Variants in SMCHD1 observed in about 807,000 individuals in gnomAD.
SMCHD1 encodes structural maintenance of chromosomes flexible hinge domain-containing protein 1.
SMCHD1 carries 78 observed loss-of-function variants against 254.7 expected under a neutral mutation model. The observed-to-expected ratio is 0.31, with a 90% CI of 0.26 to 0.37. The LOEUF is 0.37. Ranked by LOEUF, SMCHD1 falls within the 10% of genes least tolerant of loss-of-function variation. SMCHD1 has a pLI of 1.00. For synonymous variants in SMCHD1, 766 were observed against 794.9 expected (o/e 0.96, Z 0.61); for missense variants, 1,840 against 2,408.1 (o/e 0.76, Z 4.94).
chr18:2,763,655 A>G lies in SMCHD1; in HGVS notation c.4585A>G (p.Thr1529Ala). The change falls in exon 37 of 48, where the codon ACT becomes GCT. Residue 1529 changes from threonine to alanine, a missense_variant. Coordinates refer to ENST00000320876, the MANE Select transcript of SMCHD1 (RefSeq NM_015295.3). ...LSITDDYDNH[T>A]GIDLVGTIIA... ...TTTTAAGGATGACTACGACAACCAT[A>G]CTGGAATTGATTTGGTTGGCACTAT... The G allele has an allele frequency of 2.5e-6, 4 of 1,577,906 alleles. No individual in the cohort carries two copies. The highest frequency in any genetic ancestry group is 3.4e-6 in the Non-Finnish European group (4 of 1,167,770).
chr18:2,766,342 T>C (rs992708028), intron 37 of SMCHD1, among the ~76,000 whole-genome samples: 1 of 152,232 alleles, frequency 6.6e-6, no homozygotes, highest in African/African-American at 2.4e-5. Context: ...TTGCTAAACC[T>C]GCTGTATATA....
intron 1 of SMCHD1, among the ~76,000 whole-genome samples, chr18:2,663,559 T>G (rs150517522): frequency 1.3e-5 from 2 of 152,210 alleles, no homozygotes; most frequent in East Asian, 1.9e-4. Context: ...TTTATCTGTT[T>G]CCATGTTGAG....
chr18:2,744,753 A>T (rs2075418045), intron 29 of SMCHD1, among the ~76,000 whole-genome samples: 1 of 152,188 alleles, frequency 6.6e-6, no homozygotes, highest in Non-Finnish European at 1.5e-5. Flanking sequence ...GTATCCTTTG[A>T]TGGAATTCTA....
chr18:2,772,958 A>G (rs1393749175), intron 41 of SMCHD1, among the ~76,000 whole-genome samples: 2 of 152,252 alleles, frequency 1.3e-5, no homozygotes, highest in East Asian at 3.8e-4. Flanking sequence ...AGTATTTCTC[A>G]TTTATACATA....
Position 2,748,384 on chromosome 18 carries a change from A to ATGTGTATGTGTG in SMCHD1, c.3927+738_3927+739insGTGTATGTGTGT, listed in dbSNP as rs60959284. Among the ~76,000 whole-genome samples the ATGTGTATGTGTG allele has an allele frequency of 1.2e-4, 8 of 68,300 alleles. 1 individual carries two copies. Among genetic ancestry groups the ATGTGTATGTGTG allele is most frequent in the African/African-American group, 5.6e-4 (8 of 14,362 alleles). 44.8% of individuals were successfully genotyped at this position (68,300 alleles called of 152,430 possible). On this transcript the variant is annotated intron_variant, in intron 30 of 47. Transcript: ENST00000320876. ...TGTGTGTGTGTGTGTGTGTGTGTGT[A>ATGTGTATGTGTG]TATAAATTTTTTTTTTTTTTTTTTT...
intron 17 of SMCHD1, among the ~76,000 whole-genome samples, chr18:2,711,754 T>C (rs1441607768): frequency 6.6e-6 from 1 of 152,066 alleles, no homozygotes; most frequent in Non-Finnish European, 1.5e-5. Context: ...AGTGCTGGGA[T>C]TACAGGCGTG....
chr18:2,791,346 T>C (rs2076161353), intron 45 of SMCHD1, among the ~76,000 whole-genome samples: 1 of 152,130 alleles, frequency 6.6e-6, no homozygotes, highest in African/African-American at 2.4e-5. Flanking sequence ...TCCCAGCACT[T>C]TGGGAGACCA....
At chr18:2,771,946 T>G (rs1180268735) in intron 40 of SMCHD1, among the ~76,000 whole-genome samples, 1 of 152,148 alleles carries the variant, frequency 6.6e-6, no homozygotes, top group African/African-American at 2.4e-5. Flanking sequence ...TTTTTAAAAT[T>G]TATATTCTTT....
At chr18:2,681,625 A>C (rs1224527373) in intron 5 of SMCHD1, among the ~76,000 whole-genome samples, 3 of 151,772 alleles carry the variant, frequency 2.0e-5, no homozygotes, top group African/African-American at 7.3e-5. Flanking sequence ...ACATTACATA[A>C]ACCTAGAAAA....
intron 7 of SMCHD1, among the ~76,000 whole-genome samples, chr18:2,692,883 T>C (rs968683744): frequency 5.9e-5 from 9 of 152,254 alleles, no homozygotes; most frequent in African/African-American, 2.2e-4. Flanking sequence ...CAGGCCCAAG[T>C]TGAGGCATAG....
At chr18:2,799,341 G>A (rs1452538097) in intron 47 of SMCHD1, among the ~76,000 whole-genome samples, 1 of 152,028 alleles carries the variant, frequency 6.6e-6, no homozygotes, top group East Asian at 1.9e-4. Flanking sequence ...AAGTACTCTG[G>A]AGCCACACAC....
In SMCHD1 at chr18:2,739,345, C is replaced by T. The variant is rs1321947877; in HGVS notation, c.3426-87C>T. 1.0e-5 allele frequency: 9 copies of T among 889,044 alleles called. No individual in the cohort carries two copies. In the East Asian group the frequency reaches 1.2e-4, roughly 12 times the overall value. The allele number at this position is 889,044 out of a possible 1,614,324, so 55.1% of individuals were successfully genotyped here. A position where few individuals can be genotyped will look rare whatever the true frequency, so the allele number is the denominator to read the frequency against. ...TTGTATTTGAGTTATTGGATATGAA[C>T]ATTATATATGTGTTATTCTGTAGCA... On this transcript the variant is annotated intron_variant, in intron 26 of 47. Transcript: ENST00000320876.
intron 39 of SMCHD1, among the ~76,000 whole-genome samples, chr18:2,770,733 G>A (rs967589760): frequency 2.0e-5 from 3 of 152,054 alleles, no homozygotes; most frequent in Non-Finnish European, 2.9e-5. Context: ...TGATTCTCGT[G>A]CCTCAGCCTC....
intron 22 of SMCHD1, 135 bp from the exon 23 acceptor site, chr18:2,728,322 C>A: frequency 2.5e-6 from 2 of 802,204 alleles, no homozygotes; most frequent in Non-Finnish European, 1.9e-6. Flanking sequence ...TAAGCATGGA[C>A]ATTGCCTATA....
chr18:2,708,884 A>ACT (rs2074587541), intron 17 of SMCHD1, among the ~76,000 whole-genome samples: 1 of 68,974 alleles, frequency 1.4e-5, no homozygotes, highest in Non-Finnish European at 2.6e-5. Flanking sequence ...ATATATATAT[A>ACT]TATATATATA....
intron 21 of SMCHD1, 23 bp from the exon 22 acceptor site, chr18:2,726,428 AT>A: frequency 1.5e-6 from 2 of 1,367,868 alleles, no homozygotes; most frequent in Non-Finnish European, 2.0e-6. Flanking sequence ...ACTGGGTTTA[AT>A]TTTTACTGTT....
intron 21 of SMCHD1, 88 bp from the exon 22 acceptor site, chr18:2,726,364 A>G (rs934854544): frequency 4.5e-5 from 31 of 684,698 alleles, no homozygotes; most frequent in Non-Finnish European, 7.3e-5. Context: ...ATGAAAATAA[A>G]ACCAAAATAT....
At chr18:2,783,016 T>C (rs2076181932) in intron 44 of SMCHD1, among the ~76,000 whole-genome samples, 1 of 152,182 alleles carries the variant, frequency 6.6e-6, no homozygotes, top group Non-Finnish European at 1.5e-5. Context: ...ACATTTACTT[T>C]ATCTTGTATT....
At chr18:2,744,057 TAACA>T in intron 29 of SMCHD1, 129 bp downstream of exon 29, 1 of 764,516 alleles carries the variant, frequency 1.3e-6, no homozygotes, top group Non-Finnish European at 2.0e-6. Flanking sequence ...ACAGTAAAAA[TAACA>T]AAAAAGCAAG....
Sources: gnomAD v4.1 joint callset for allele counts (sites outside exome capture counted in the v4.1 genomes callset) on GRCh38, gnomAD v4.1.1 for gene constraint, MANE v1.5 for transcripts, NCBI Gene and HGNC (gene_info 2026-07-23, HGNC 2026-07-21) for gene names.